The following PCDH1 variants were observed in gnomAD, a reference collection of about 807,000 sequenced individuals.
PCDH1 encodes protocadherin-1.
A neutral mutation model predicts 74.6 loss-of-function variants in PCDH1; 23 were observed. The ratio of observed to expected loss-of-function variants is 0.31; its 90% CI spans 0.22 to 0.44. The LOEUF (loss-of-function observed/expected upper bound fraction) is 0.44. Ranked by LOEUF, PCDH1 falls within the 20% of genes least tolerant of loss-of-function variation. PCDH1 has a pLI of 1.00. For missense variants in PCDH1, 1,214 were observed against 1,641.4 expected, an observed-to-expected ratio of 0.74 and a Z score of 4.50; for synonymous variants, 647 against 686.1, an observed-to-expected ratio of 0.94 and a Z score of 0.89.
At chr5:141,867,993 T>C (rs1032663794) in intron 2 of PCDH1, among the ~76,000 whole-genome samples, 1 of 152,214 alleles carries the variant, frequency 6.6e-6, no homozygotes, top group Non-Finnish European at 1.5e-5. Flanking sequence ...CCCACATCTA[T>C]GGGCACCCCA....
Position 141,863,066 on chromosome 5 carries a change from C to A in PCDH1, c.3099+166G>T. On this transcript the variant is annotated intron_variant, in intron 3 of 4. Coordinates refer to ENST00000287008, the MANE Select transcript of PCDH1 (RefSeq NM_032420.5). The surrounding 1 kb of genome is among the most constrained non-coding windows in gnomAD (Gnocchi z 7.5). ...ATCTTCACTCAGCCTAATCCGTGTG[C>A]CCGGTGAGGCACTAAGGCCCCACCT... The A allele has an allele frequency of 7.3e-7, 1 of 1,367,172 alleles. No individual in the cohort carries two copies. The highest frequency in any genetic ancestry group is 9.5e-7 in the Non-Finnish European group (1 of 1,056,444). 84.7% of individuals were successfully genotyped at this position (1,367,172 alleles called of 1,614,324 possible). A position where few individuals can be genotyped will look rare whatever the true frequency, so the allele number is the denominator to read the frequency against.
chr5:141,860,040 A>G (rs1752504944), intron 3 of PCDH1, among the ~76,000 whole-genome samples: 1 of 152,066 alleles, frequency 6.6e-6, no homozygotes, highest in South Asian at 2.1e-4. Context: ...GAGTTTGCTT[A>G]CACGGTGACC....
chr5:141,860,554 G>A (rs1174578916), intron 3 of PCDH1, among the ~76,000 whole-genome samples: 1 of 150,630 alleles, frequency 6.6e-6, no homozygotes, highest in African/African-American at 2.4e-5. Flanking sequence ...CTTTTTTGGA[G>A]GACTCTGCAG....
intron 3 of PCDH1, among the ~76,000 whole-genome samples, chr5:141,858,833 G>A (rs142119529): frequency 6.6e-6 from 1 of 152,086 alleles, no homozygotes; most frequent in South Asian, 2.1e-4. Context: ...TATAACTCTG[G>A]ATAGGAGGTT....
Position 141,869,940 on chromosome 5 carries a change from C to T in PCDH1, c.41-509G>A, listed in dbSNP as rs145136149. Among the ~76,000 whole-genome samples the T allele has an allele frequency of 2.5e-3, 382 of 152,240 alleles. 3 individuals are homozygous for T. The highest frequency in any genetic ancestry group is 3.8e-3 in the Non-Finnish European group (257 of 68,008). ...GCATGGTAGGAAAGAGACACAAGTA[C>T]GTCCTTACACACCCCAGACCCTGGG... is the stretch of plus-strand genomic sequence containing the variant. On this transcript the variant is annotated intron_variant, in intron 1 of 4. Transcript: ENST00000287008. This position sits in a 1 kb window ranked among gnomAD's most constrained non-coding sequence, Gnocchi z 4.9.
chr5:141,865,391 C>T lies in PCDH1; in HGVS notation c.940G>A (p.Glu314Lys). Residue 314 changes from glutamate (E) to lysine (K), a missense_variant, in exon 3 of 5, where the codon GAA (glutamate) becomes AAA (lysine). Glu to Lys is a moderately conservative substitution (Grantham distance 56, BLOSUM62 1). Coordinates refer to ENST00000287008, the MANE Select transcript of PCDH1 (RefSeq NM_032420.5). This position sits in a 1 kb window ranked among gnomAD's most constrained non-coding sequence, Gnocchi z 4.4. Reference protein sequence around the residue: ...ANDSDQGANAEIEYTFHQAPE... With the variant: ...ANDSDQGANAKIEYTFHQAPE... ...GCCTGGTGGAATGTGTATTCGATTTCTGCATTGGCACCTTGGTCTGAGTCA... is the reference window on the plus strand; with the variant it reads ...GCCTGGTGGAATGTGTATTCGATTTTTGCATTGGCACCTTGGTCTGAGTCA... The T allele has an allele frequency of 2.5e-6, 4 of 1,613,890 alleles. No individual in the cohort carries two copies. The South Asian group carries it at 4.4e-5, about 18-fold the overall frequency.
chr5:141,869,367 T>C lies in PCDH1; in HGVS notation c.105A>G (p.Gln35=). The C allele has an allele frequency of 6.3e-7, 1 of 1,597,474 alleles. No individual in the cohort carries two copies. The highest frequency in any genetic ancestry group is 8.5e-7 in the Non-Finnish European group (1 of 1,175,570). ...GCAGCATGGAGGGCAGCAGTAGCCGTTGCCCCCCAGGGCCTGGGCTGTGCC... is the reference window on the plus strand; with the variant it reads ...GCAGCATGGAGGGCAGCAGTAGCCGCTGCCCCCCAGGGCCTGGGCTGTGCC... ...HLRHSPGPGG[Q]RLLLPSMLLA... Residue 35 remains glutamine (Q), a synonymous_variant, in exon 2 of 5, where the codon CAA becomes CAG. Transcript: ENST00000287008. This position sits in a 1 kb window ranked among gnomAD's most constrained non-coding sequence, Gnocchi z 4.9.
chr5:141,877,568 C>T (rs1753272487), intron 1 of PCDH1, among the ~76,000 whole-genome samples: 2 of 152,146 alleles, frequency 1.3e-5, no homozygotes, highest in African/African-American at 4.8e-5. Flanking sequence ...CGGGGTGTCA[C>T]ACCCGGTTGT....
chr5:141,856,108 A>T (rs572777668), intron 4 of PCDH1: 1 of 993,704 alleles, frequency 1.0e-6, no homozygotes, highest in Non-Finnish European at 1.5e-6. Context: ...TCTACAGCTC[A>T]GAGCAGAGTT....
In PCDH1 at chr5:141,853,824, G is replaced by A. The variant is rs532022600; in HGVS notation, c.*218C>T. 1.7e-5 allele frequency: 7 copies of A among 420,730 alleles called. No homozygotes were observed. The South Asian group carries it at 3.0e-4, about 18-fold the overall frequency. 26.1% of individuals were successfully genotyped at this position (420,730 alleles called of 1,614,324 possible). A position where few individuals can be genotyped will look rare whatever the true frequency, so the allele number is the denominator to read the frequency against. ...ATCAGATGGGGGAAGCCCCATAAAG[G>A]GGAAGGGGCCCCTGGGGGCTGGGAG... On this transcript the variant is annotated 3_prime_UTR_variant, in exon 5 of 5. Transcript: ENST00000287008.
chr5:141,876,151 G>C (rs1242810842), intron 1 of PCDH1, among the ~76,000 whole-genome samples: 3 of 152,174 alleles, frequency 2.0e-5, no homozygotes, highest in East Asian at 1.9e-4. Context: ...GGGGTGGCGG[G>C]GGGGACGGCG....
intron 1 of PCDH1, among the ~76,000 whole-genome samples, chr5:141,876,236 G>A (rs1241438798): frequency 6.6e-6 from 1 of 152,246 alleles, no homozygotes; most frequent in South Asian, 2.1e-4. Context: ...GGCAAGGCTA[G>A]GGCGCGGCGT....
rs1214531606 is a variant in PCDH1 at position 141,869,831 on chromosome 5, T to G, written c.41-400A>C. ...ATCCTGCCTTAGTCACCGATGGTAA[T>G]TACCTTGATACTGAGATAGGGAGAG... On this transcript the variant is annotated intron_variant, in intron 1 of 4. Coordinates refer to ENST00000287008, the MANE Select transcript of PCDH1 (RefSeq NM_032420.5). The surrounding 1 kb of genome is among the most constrained non-coding windows in gnomAD (Gnocchi z 4.9). The G allele has an allele frequency of 1.7e-5, 17 of 982,562 alleles. No homozygotes were observed. Among genetic ancestry groups the G allele is most frequent in the Non-Finnish European group, 2.1e-5 (17 of 827,452 alleles). The allele number at this position is 982,562 out of a possible 1,614,324, so 60.9% of individuals were successfully genotyped here. A position where few individuals can be genotyped will look rare whatever the true frequency, so the allele number is the denominator to read the frequency against.
At chr5:141,874,033 T>TG (rs985637514) in intron 1 of PCDH1, among the ~76,000 whole-genome samples, 1 of 152,152 alleles carries the variant, frequency 6.6e-6, no homozygotes, top group Non-Finnish European at 1.5e-5. Context: ...TCCCAGAGTC[T>TG]GGGGGAAAGA....
rs761913222 is a variant in PCDH1 at position 141,868,497 on chromosome 5, C to G, written c.903+72G>C. On this transcript the variant is annotated intron_variant, in intron 2 of 4. Coordinates refer to ENST00000287008, the MANE Select transcript of PCDH1 (RefSeq NM_032420.5). This position sits in a 1 kb window ranked among gnomAD's most constrained non-coding sequence, Gnocchi z 4.8. The stretch of plus-strand genomic sequence containing the variant: ...GTTTTTCCCCTAAGTGAAGGGAACT[C>G]TCACCTGGTTGGGTGGGCTCCCATT... 1 of 1,508,582 alleles carries G rather than the reference C, an allele frequency of 6.6e-7. No individual in the cohort carries two copies. The highest frequency in any genetic ancestry group is 1.4e-5 in the South Asian group (1 of 71,866). 93.4% of individuals were successfully genotyped at this position (1,508,582 alleles called of 1,614,324 possible). A position where few individuals can be genotyped will look rare whatever the true frequency, so the allele number is the denominator to read the frequency against.
In PCDH1 at chr5:141,878,279, C is replaced by G; in HGVS notation, c.-17G>C. On this transcript the variant is annotated 5_prime_UTR_variant, in exon 1 of 5. Transcript: ENST00000287008. This position sits in a 1 kb window ranked among gnomAD's most constrained non-coding sequence, Gnocchi z 5.5. Reference sequence around the variant, plus strand: ...GCTGTCCATGAGCCGCCGCCGGCCCCGGCCTGGGCTGCGGCTCCGCACGGC... The same window carrying G: ...GCTGTCCATGAGCCGCCGCCGGCCCGGGCCTGGGCTGCGGCTCCGCACGGC... The G allele has an allele frequency of 7.9e-7, 1 of 1,270,588 alleles. No homozygotes were observed. Among genetic ancestry groups the G allele is most frequent in the Admixed American group, 4.3e-5 (1 of 23,278 alleles). The allele number at this position is 1,270,588 out of a possible 1,614,324, so 78.7% of individuals were successfully genotyped here.
At chr5:141,857,897 C>T (rs1269577687) in intron 3 of PCDH1, among the ~76,000 whole-genome samples, 1 of 152,068 alleles carries the variant, frequency 6.6e-6, no homozygotes, top group Non-Finnish European at 1.5e-5. Context: ...TAATACCACC[C>T]GACTCCCCTA....
rs1366698071 is a variant in PCDH1, at chr5:141,865,918, GA to G, written c.904-492del. ...CATATGTATGTGTATGATTGTGTCA[GA>G]ATGTGTGATTAAATGTGATATGTTT... On this transcript the variant is annotated intron_variant, in intron 2 of 4. Transcript: ENST00000287008. The surrounding 1 kb of genome is among the most constrained non-coding windows in gnomAD (Gnocchi z 4.4). 2.0e-5 allele frequency among the ~76,000 whole-genome samples: 3 copies of G among 152,242 alleles called. No homozygotes were observed. Among genetic ancestry groups the G allele is most frequent in the African/African-American group, 7.2e-5 (3 of 41,468 alleles).
At chr5:141,856,523 C>T (rs988054851) in intron 4 of PCDH1, among the ~76,000 whole-genome samples, 4 of 152,068 alleles carry the variant, frequency 2.6e-5, no homozygotes, top group Admixed American at 2.6e-4. Context: ...AGCTCGTTCA[C>T]TCTCCCCCTC....
Sources: allele counts gnomAD v4.1 joint callset (sites outside exome capture counted in the v4.1 genomes callset), GRCh38; gene constraint gnomAD v4.1.1; non-coding constraint Gnocchi (gnomAD v3.1); transcripts MANE v1.5; gene names NCBI Gene and HGNC (gene_info 2026-07-23, HGNC 2026-07-21).